CYP19A1: variants seen among roughly 807,000 people sequenced by gnomAD.
The protein encoded by CYP19A1 is cytochrome P450 family 19 subfamily A member 1, also known as aromatase.
In CYP19A1, 32 loss-of-function variants were observed where a neutral mutation model predicts 44.4. The observed-to-expected ratio is 0.72, with a 90% CI of 0.54 to 0.97. The LOEUF is 0.97. CYP19A1 is among the 50% of genes least tolerant of loss of function. The probability of loss-of-function intolerance (pLI) is 0.00; values close to 1 mark genes in which losing one functional copy is unlikely to be tolerated. For missense variants in CYP19A1, 598 were observed against 637.8 expected, an observed-to-expected ratio of 0.94 and a Z score of 0.67; for synonymous variants, 212 against 215.6, an observed-to-expected ratio of 0.98 and a Z score of 0.14.
At chr15:51,250,294 G>C (rs905253950) in intron 1 of CYP19A1, among the ~76,000 whole-genome samples, 1 of 152,216 alleles carries the variant, frequency 6.6e-6, no homozygotes, top group Non-Finnish European at 1.5e-5. Flanking sequence ...CACCTCTGAG[G>C]TTCCGTGACT....
At chr15:51,302,023 G>C (rs1050450835) in intron 1 of CYP19A1, among the ~76,000 whole-genome samples, 2 of 152,146 alleles carry the variant, frequency 1.3e-5, no homozygotes, top group Non-Finnish European at 2.9e-5. Context: ...TAAAGTGTAG[G>C]CTTCTTAATC....
chr15:51,300,585 C>G (rs936618606), intron 1 of CYP19A1, among the ~76,000 whole-genome samples: 2 of 152,154 alleles, frequency 1.3e-5, no homozygotes, highest in African/African-American at 4.8e-5. Context: ...CCTCCCACCA[C>G]GCCTGCCAGG....
chr15:51,282,947 C>T (rs1018740355), intron 1 of CYP19A1, among the ~76,000 whole-genome samples: 4 of 152,044 alleles, frequency 2.6e-5, no homozygotes, highest in East Asian at 3.9e-4. Flanking sequence ...CTCTTTAGTA[C>T]GGTAAAGGAG....
At chr15:51,322,824 G>A (rs896498092) in intron 1 of CYP19A1, among the ~76,000 whole-genome samples, 1 of 152,148 alleles carries the variant, frequency 6.6e-6, no homozygotes, top group African/African-American at 2.4e-5. Flanking sequence ...CTCCCATTGT[G>A]GAGACTTTTT....
At position 51,229,601 on chromosome 15, in the gene CYP19A1, T is replaced by G. The variant is rs546791484; in HGVS notation, c.297-1668A>C. 7.6e-4 allele frequency among the ~76,000 whole-genome samples: 115 copies of G among 152,238 alleles called. 1 individual carries two copies. The highest frequency in any genetic ancestry group is 1.6e-3 in the Non-Finnish European group (112 of 68,012). On this transcript the variant is annotated intron_variant, in intron 3 of 9. Coordinates refer to ENST00000396402, the MANE Select transcript of CYP19A1 (RefSeq NM_000103.4). ...AAATAAAAATCCAGATGCTTCCATT[T>G]GTATTCTGGGGAATTTGTCTGACGT...
intron 4 of CYP19A1, 149 bp downstream of exon 4, chr15:51,227,630 C>T (rs1008253304): frequency 2.6e-5 from 6 of 233,444 alleles, no homozygotes; most frequent in Non-Finnish European, 4.7e-5. Context: ...AGGTCGTGAG[C>T]CAAGGTCACT....
At position 51,321,219 on chromosome 15, in the gene CYP19A1, C is replaced by T. The variant is rs564669027; in HGVS notation, c.-39+17276G>A. ...GAAGTCATCTGTGACCCACCAGTGC[C>T]TCTCCATTGCACACATAATTCAGGC... On this transcript the variant is annotated intron_variant, in intron 1 of 9. Coordinates refer to ENST00000396402, the MANE Select transcript of CYP19A1 (RefSeq NM_000103.4). Among the ~76,000 whole-genome samples the T allele has an allele frequency of 4.0e-4, 61 of 152,328 alleles. No homozygotes were observed. The South Asian group carries it at 0.012, about 29-fold the overall frequency.
At chr15:51,232,192 G>T (rs544139999) in intron 3 of CYP19A1, among the ~76,000 whole-genome samples, 1 of 152,026 alleles carries the variant, frequency 6.6e-6, no homozygotes, top group Non-Finnish European at 1.5e-5. Flanking sequence ...CTTCTCCCCC[G>T]ATTCTCTTCT....
chr15:51,240,977 C>G (rs958586112), intron 2 of CYP19A1, among the ~76,000 whole-genome samples: 3 of 152,200 alleles, frequency 2.0e-5, no homozygotes, highest in Non-Finnish European at 4.4e-5. Context: ...ATTTGTGGCT[C>G]TCAACCTTGG....
intron 1 of CYP19A1, among the ~76,000 whole-genome samples, chr15:51,294,298 A>G (rs1225120288): frequency 5.7e-4 from 71 of 124,072 alleles, no homozygotes; most frequent in Non-Finnish European, 6.1e-4. Context: ...CCATCGTCTG[A>G]GATGTGGGGA....
intron 4 of CYP19A1, among the ~76,000 whole-genome samples, chr15:51,227,515 C>T (rs1180107523): frequency 6.6e-6 from 1 of 151,676 alleles, no homozygotes; most frequent in African/African-American, 2.4e-5. Flanking sequence ...ACAAAAAATA[C>T]AAAAATTAGC....
chr15:51,240,799 G>A (rs1377999758), intron 2 of CYP19A1, among the ~76,000 whole-genome samples: 1 of 152,106 alleles, frequency 6.6e-6, no homozygotes, highest in African/African-American at 2.4e-5. Context: ...GTCCAGCTGG[G>A]GAGATGACAA....
At chr15:51,283,910 C>T (rs2035613983) in intron 1 of CYP19A1, among the ~76,000 whole-genome samples, 1 of 152,210 alleles carries the variant, frequency 6.6e-6, no homozygotes, top group Non-Finnish European at 1.5e-5. Context: ...AGCACAATTA[C>T]CATCTCCCTG....
At chr15:51,243,061 A>G (rs2033873392) in intron 1 of CYP19A1, 111 bp from the exon 2 acceptor site, 7 of 739,674 alleles carry the variant, frequency 9.5e-6, no homozygotes, top group Admixed American at 3.5e-5. Context: ...CTGTTTTATA[A>G]TGTGATCAGA....
At chr15:51,228,932 T>C (rs2141082390) in intron 3 of CYP19A1, among the ~76,000 whole-genome samples, 1 of 152,350 alleles carries the variant, frequency 6.6e-6, no homozygotes, top group Admixed American at 6.5e-5. Context: ...GTTACTATAA[T>C]ATCTGCAATT....
intron 1 of CYP19A1, among the ~76,000 whole-genome samples, chr15:51,307,443 G>A (rs1224788868): frequency 6.6e-6 from 1 of 152,144 alleles, no homozygotes; most frequent in Admixed American, 6.5e-5. Context: ...TAATTTTAGT[G>A]TGCTTACTCT....
Position 51,287,105 on chromosome 15 carries a change from C to A in CYP19A1, c.-38-44155G>T, listed in dbSNP as rs28693825. On this transcript the variant is annotated intron_variant, in intron 1 of 9. Coordinates refer to ENST00000396402, the MANE Select transcript of CYP19A1 (RefSeq NM_000103.4). ...ATGACTTATCCAATGACAGCTAGTG[C>A]ACATAGTGATGAGCTCAAGATCTAA... is the stretch of plus-strand genomic sequence containing the variant. 8.2e-3 allele frequency among the ~76,000 whole-genome samples: 1,253 copies of A among 152,292 alleles called. 16 individuals carry two copies. Among genetic ancestry groups the A allele is most frequent in the African/African-American group, 0.029 (1,193 of 41,552 alleles).
intron 1 of CYP19A1, among the ~76,000 whole-genome samples, chr15:51,322,276 G>A (rs529935679): frequency 1.3e-5 from 2 of 152,370 alleles, no homozygotes; most frequent in African/African-American, 2.4e-5. Flanking sequence ...CAGGGCAGGT[G>A]TCTGTGCCCA....
At chr15:51,268,135 A>G (rs1218759446) in intron 1 of CYP19A1, among the ~76,000 whole-genome samples, 1 of 152,246 alleles carries the variant, frequency 6.6e-6, no homozygotes, top group African/African-American at 2.4e-5. Flanking sequence ...GTAACATGCA[A>G]TAAACCTCAA....
Sources: allele counts gnomAD v4.1 joint callset (sites outside exome capture counted in the v4.1 genomes callset), GRCh38; gene constraint gnomAD v4.1.1; transcripts MANE v1.5; gene names NCBI Gene and HGNC (gene_info 2026-07-23, HGNC 2026-07-21).